Variants in ADCY8 observed in about 807,000 individuals in gnomAD.
ADCY8 encodes the protein adenylate cyclase 8.
ADCY8 carries 51 observed loss-of-function variants against 119.7 expected under a neutral mutation model. The observed-to-expected ratio is 0.43, with a 90% CI of 0.34 to 0.54. The LOEUF (loss-of-function observed/expected upper bound fraction) is 0.54. ADCY8 is among the 20% of genes least tolerant of loss of function. The probability of loss-of-function intolerance (pLI) is 0.03; values close to 1 mark genes in which losing one functional copy is unlikely to be tolerated. For synonymous variants in ADCY8, 665 were observed against 651.0 expected, an observed-to-expected ratio of 1.02 and a Z score of -0.33; for missense variants, 1,383 against 1,598.8, an observed-to-expected ratio of 0.87 and a Z score of 2.30.
rs148450360 is a variant in ADCY8 at position 130,918,553 on chromosome 8, C to T, written c.1482-8687G>A. Among the ~76,000 whole-genome samples the T allele has an allele frequency of 5.1e-3, 782 of 152,082 alleles. 5 individuals are homozygous for T. The highest frequency in any genetic ancestry group is 0.018 in the African/African-American group (753 of 41,460). On this transcript the variant is annotated intron_variant, in intron 5 of 17. Transcript: ENST00000286355. ...ATGAAATATATTTTAAGAGATTATT[C>T]CCATTTTAATTAATTTAAAAATTAT...
chr8:130,924,446 G>T (rs753035180), intron 5 of ADCY8, among the ~76,000 whole-genome samples: 1 of 152,194 alleles, frequency 6.6e-6, no homozygotes, highest in Admixed American at 6.5e-5. Context: ...TTGCTAGGTA[G>T]AGAGCACTAA....
intron 8 of ADCY8, 109 bp downstream of exon 8, chr8:130,884,455 C>A: frequency 8.4e-7 from 1 of 1,189,602 alleles, no homozygotes; most frequent in East Asian, 2.3e-5. Context: ...CAAACCAAAG[C>A]AAACAAACAA....
At position 130,840,902 on chromosome 8, in the gene ADCY8, G is replaced by A. The variant is rs536794692; in HGVS notation, c.2503-4453C>T. Among the ~76,000 whole-genome samples, 5 of 152,290 alleles carry A rather than the reference G, an allele frequency of 3.3e-5. No individual in the cohort carries two copies. In the South Asian group the frequency reaches 1.0e-3, roughly 32 times the overall value. On this transcript the variant is annotated intron_variant, in intron 11 of 17. Transcript: ENST00000286355. ...GAAGCAGACAAGCTATGCATTGTAA[G>A]TGCATCACCTTTGCCTTGGGAAAGT...
intron 17 of ADCY8, among the ~76,000 whole-genome samples, chr8:130,781,659 G>C (rs113263650): frequency 6.6e-6 from 1 of 152,116 alleles, no homozygotes; most frequent in Non-Finnish European, 1.5e-5. Flanking sequence ...CTTCCAGCCA[G>C]TACCCACCTT....
chr8:130,884,577 C>A lies in ADCY8; in HGVS notation c.2096G>T (p.Ser699Ile). 1 of 1,613,816 alleles carries A rather than the reference C, an allele frequency of 6.2e-7. No homozygotes were observed. Among genetic ancestry groups the A allele is most frequent in the South Asian group, 1.1e-5 (1 of 91,086 alleles). ...ACCCAGCTCTACCTTGTGCTCCAGGCTGGAGTCTTTAAACATCAGTGAGAA... is the reference window on the plus strand; with the variant it reads ...ACCCAGCTCTACCTTGTGCTCCAGGATGGAGTCTTTAAACATCAGTGAGAA... ...KPFSLMFKDS[S>I]LEHKYSQMRD... is the part of the protein sequence containing the mutation. The change falls in exon 8 of 18, where the codon AGC becomes ATC. Residue 699 changes from serine to isoleucine, a missense_variant. Around this residue, in one of 2 missense-constraint regions of ADCY8, gnomAD observed 928 missense variants for 1,163.5 expected, o/e 0.80. Transcript: ENST00000286355.
In ADCY8 at chr8:131,040,157, G is replaced by C. The variant is rs1824332898; in HGVS notation, c.177C>G (p.Gly59=). The C allele has an allele frequency of 6.5e-7, 1 of 1,533,052 alleles. No homozygotes were observed. The highest frequency in any genetic ancestry group is 1.4e-5 in the African/African-American group (1 of 72,944). The allele number at this position is 1,533,052 out of a possible 1,614,324, so 95.0% of individuals were successfully genotyped here. The change falls in exon 1 of 18, where the codon GGC becomes GGG. Residue 59 remains glycine, a synonymous_variant. Coordinates refer to ENST00000286355, the MANE Select transcript of ADCY8 (RefSeq NM_001115.3). The part of the protein sequence containing the change: ...RFIHGHRGGS[G]SGSGGSGKAS... ...CTTTGCCCGAGCCTCCACTCCCGCT[G>C]CCGCTGCCTCCCCGGTGCCCGTGAA...
intron 1 of ADCY8, among the ~76,000 whole-genome samples, chr8:131,020,493 G>A (rs1823630542): frequency 6.6e-6 from 1 of 152,196 alleles, no homozygotes; most frequent in Non-Finnish European, 1.5e-5. Flanking sequence ...AGAGAATGCT[G>A]AATTCATTGA....
chr8:130,941,006 A>G (rs1275007748), intron 4 of ADCY8, among the ~76,000 whole-genome samples: 1 of 152,220 alleles, frequency 6.6e-6, no homozygotes, highest in Admixed American at 6.5e-5. Context: ...AACATGTATA[A>G]CTTTAATAAG....
intron 15 of ADCY8, among the ~76,000 whole-genome samples, chr8:130,795,327 T>C (rs1162717323): frequency 3.9e-5 from 6 of 152,144 alleles, no homozygotes; most frequent in Admixed American, 2.6e-4. Flanking sequence ...GTTTGCAGGG[T>C]CCAGTGCAAA....
chr8:131,004,474 C>T (rs1823052846), intron 1 of ADCY8, among the ~76,000 whole-genome samples: 2 of 152,186 alleles, frequency 1.3e-5, no homozygotes. Context: ...CTTGGTCAAT[C>T]ACTCTTTTCT....
At chr8:130,825,424 T>G (rs1204129695) in intron 12 of ADCY8, among the ~76,000 whole-genome samples, 1 of 152,230 alleles carries the variant, frequency 6.6e-6, no homozygotes, top group African/African-American at 2.4e-5. Flanking sequence ...TTATCTTAAT[T>G]CTACTTTTGT....
At chr8:130,840,881 C>A (rs778756130) in intron 11 of ADCY8, among the ~76,000 whole-genome samples, 5 of 152,086 alleles carry the variant, frequency 3.3e-5, no homozygotes, top group Non-Finnish European at 7.4e-5. Flanking sequence ...ATACAGGAAG[C>A]AGACAAGCTA....
chr8:130,884,754 G>A lies in ADCY8; in HGVS notation c.1919C>T (p.Ala640Val). Reference protein sequence around the residue: ...DNIVGKQNTLAALTRNSINLL... With the variant: ...DNIVGKQNTLVALTRNSINLL... ...ATTTATTGAATTTCTTGTTAGGGCA[G>A]CCAGAGTCTAGGGGGAAAGCACATG... Residue 640 changes from alanine to valine, a missense_variant, in exon 8 of 18, where the codon GCT (alanine) becomes GTT (valine). Transcript: ENST00000286355. 1.2e-6 allele frequency: 2 copies of A among 1,613,818 alleles called. No homozygotes were observed. Among genetic ancestry groups the A allele is most frequent in the South Asian group, 1.1e-5 (1 of 91,080 alleles).
chr8:130,884,639 C>G lies in ADCY8; in HGVS notation c.2034G>C (p.Arg678=). The G allele has an allele frequency of 6.2e-7, 1 of 1,613,872 alleles. No individual in the cohort carries two copies. The highest frequency in any genetic ancestry group is 8.5e-7 in the Non-Finnish European group (1 of 1,179,854). ...NKRIEHTIDL[R]SGDKLRREHI... ...GCTCTCTTCTCAATTTATCGCCACTCCGCAAGTCGATGGTATGTTCTATTC... is the reference window on the plus strand; with the variant it reads ...GCTCTCTTCTCAATTTATCGCCACTGCGCAAGTCGATGGTATGTTCTATTC... The change falls in exon 8 of 18, where the codon CGG becomes CGC. Residue 678 remains arginine, a synonymous_variant. Transcript: ENST00000286355.
chr8:130,862,473 C>T (rs927479026), intron 9 of ADCY8, among the ~76,000 whole-genome samples: 21 of 152,232 alleles, frequency 1.4e-4, no homozygotes, highest in East Asian at 7.7e-4. Flanking sequence ...ATTGCAGCGG[C>T]GCAATCTTGG....
At chr8:131,019,017 C>G (rs1463380017) in intron 1 of ADCY8, among the ~76,000 whole-genome samples, 3 of 152,114 alleles carry the variant, frequency 2.0e-5, no homozygotes, top group African/African-American at 4.8e-5. Context: ...AATAATGACA[C>G]TTTCATTTTA....
At chr8:130,921,183 A>G (rs564216854) in intron 5 of ADCY8, among the ~76,000 whole-genome samples, 69 of 152,322 alleles carry the variant, frequency 4.5e-4, no homozygotes, top group African/African-American at 1.6e-3. Flanking sequence ...TAAAGAAGAA[A>G]ATTAAAACTA....
chr8:130,972,063 C>T (rs1821939294), intron 2 of ADCY8, among the ~76,000 whole-genome samples: 1 of 152,158 alleles, frequency 6.6e-6, no homozygotes, highest in Non-Finnish European at 1.5e-5. Context: ...TAGAAGCAGA[C>T]CATAATAGAA....
chr8:131,024,136 T>C (rs948878762), intron 1 of ADCY8, among the ~76,000 whole-genome samples: 10 of 152,206 alleles, frequency 6.6e-5, no homozygotes, highest in Admixed American at 5.2e-4. Context: ...ATTTGTTTCA[T>C]CCACTGTTCA....
Sources: allele counts gnomAD v4.1 joint callset (sites outside exome capture counted in the v4.1 genomes callset), GRCh38; gene constraint gnomAD v4.1.1; regional missense constraint gnomAD v4.1.1; transcripts MANE v1.5; gene names NCBI Gene and HGNC (gene_info 2026-07-23, HGNC 2026-07-21).